The following PRMT3 variants were observed in gnomAD, a reference collection of about 807,000 sequenced individuals.
PRMT3 encodes the protein protein arginine N-methyltransferase 3.
A neutral mutation model predicts 71.9 loss-of-function variants in PRMT3; 62 were observed. The ratio of observed to expected loss-of-function variants is 0.86; its 90% CI spans 0.70 to 1.07. PRMT3 has a LOEUF of 1.07. Among genes scored for constraint, PRMT3 ranks in the 50% least tolerant of loss-of-function variants. The pLI, the probability that PRMT3 is intolerant of heterozygous loss-of-function variation, is 0.00. For synonymous variants in PRMT3, 213 were observed against 220.4 expected (o/e 0.97, Z 0.30); for missense variants, 663 against 643.0 (o/e 1.03, Z -0.34).
chr11:20,443,512 A>G (rs1354082016), intron 10 of PRMT3, among the ~76,000 whole-genome samples: 1 of 152,236 alleles, frequency 6.6e-6, no homozygotes, highest in Admixed American at 6.5e-5. Flanking sequence ...AATGTTATGC[A>G]CAATTATGAA....
intron 10 of PRMT3, among the ~76,000 whole-genome samples, chr11:20,429,672 C>T (rs1056488849): frequency 6.6e-6 from 1 of 152,178 alleles, no homozygotes; most frequent in Non-Finnish European, 1.5e-5. Context: ...GTTACTTAAG[C>T]ATTTGTATTA....
chr11:20,398,663 A>G (rs1490859970), intron 7 of PRMT3, among the ~76,000 whole-genome samples: 1 of 152,124 alleles, frequency 6.6e-6, no homozygotes, highest in Non-Finnish European at 1.5e-5. Context: ...CCGTAATGCC[A>G]TATTTTTACT....
At chr11:20,388,198 G>A (rs1391288861) in intron 2 of PRMT3, 44 bp downstream of exon 2, 2 of 1,609,864 alleles carry the variant, frequency 1.2e-6, no homozygotes, top group African/African-American at 1.3e-5. Flanking sequence ...GGGTGCCCGG[G>A]CGCGTGGGGT....
At chr11:20,443,975 G>A (rs1240912903) in intron 10 of PRMT3, among the ~76,000 whole-genome samples, 2 of 152,178 alleles carry the variant, frequency 1.3e-5, no homozygotes, top group Non-Finnish European at 2.9e-5. Context: ...TTGCAGAACA[G>A]TAGCACGCAT....
At chr11:20,460,724 C>T (rs2028646) in intron 11 of PRMT3, among the ~76,000 whole-genome samples, 6,895 of 152,180 alleles carry the variant, frequency 0.045, 266 homozygotes, top group East Asian at 0.19. Context: ...TGAATCTGCC[C>T]ATATTTATGT....
chr11:20,410,080 A>G (rs1332549528), intron 9 of PRMT3, among the ~76,000 whole-genome samples: 1 of 152,126 alleles, frequency 6.6e-6, no homozygotes, highest in Non-Finnish European at 1.5e-5. Context: ...ATGTAAAGGA[A>G]TTATAATACA....
At chr11:20,452,109 T>A (rs1001669) in intron 10 of PRMT3, 21 bp from the exon 11 acceptor site, 6 of 1,550,194 alleles carry the variant, frequency 3.9e-6, no homozygotes, top group African/African-American at 1.4e-5. Context: ...TAAACTCTTT[T>A]TTTCCCCTTT....
At chr11:20,453,477 C>G (rs905018425) in intron 11 of PRMT3, among the ~76,000 whole-genome samples, 7 of 148,400 alleles carry the variant, frequency 4.7e-5, no homozygotes, top group African/African-American at 9.9e-5. Context: ...GAGACTCCAT[C>G]TCAGAAAAAA....
chr11:20,426,430 A>T (rs1386507611), intron 9 of PRMT3, among the ~76,000 whole-genome samples: 1 of 152,196 alleles, frequency 6.6e-6, no homozygotes, highest in Non-Finnish European at 1.5e-5. Context: ...CCTTTAAACC[A>T]TACTTTTATA....
intron 8 of PRMT3, among the ~76,000 whole-genome samples, chr11:20,404,239 T>TTGTTTTGTTTTG (rs1565196897): frequency 8.4e-6 from 1 of 118,876 alleles, no homozygotes; most frequent in South Asian, 3.0e-4. Flanking sequence ...TTTTTTTTTT[T>TTGTTTTGTTTTG]TTTTTTTTTT....
At chr11:20,438,948 T>G (rs1290522615) in intron 10 of PRMT3, among the ~76,000 whole-genome samples, 3 of 152,144 alleles carry the variant, frequency 2.0e-5, no homozygotes, top group Non-Finnish European at 4.4e-5. Flanking sequence ...ACCTCTGCTT[T>G]GACCCTACGT....
chr11:20,487,120 A>G (rs1403984387), intron 13 of PRMT3, among the ~76,000 whole-genome samples: 1 of 152,196 alleles, frequency 6.6e-6, no homozygotes, highest in African/African-American at 2.4e-5. Flanking sequence ...ATAAGCAGAA[A>G]AGAAGAGAAA....
At chr11:20,427,424 T>C (rs1167366278) in intron 10 of PRMT3, among the ~76,000 whole-genome samples, 2 of 152,206 alleles carry the variant, frequency 1.3e-5, no homozygotes, top group African/African-American at 4.8e-5. Context: ...TTTAAATATA[T>C]GGAAATAAAA....
chr11:20,414,392 G>A (rs776011282), intron 9 of PRMT3, among the ~76,000 whole-genome samples: 4 of 152,108 alleles, frequency 2.6e-5, no homozygotes, highest in Non-Finnish European at 2.9e-5. Context: ...GAGATGTTAT[G>A]TTAGTAAGGG....
intron 11 of PRMT3, among the ~76,000 whole-genome samples, chr11:20,460,892 A>T (rs1195381960): frequency 2.0e-5 from 3 of 152,132 alleles, no homozygotes; most frequent in South Asian, 2.1e-4. Flanking sequence ...TCCCACAGCA[A>T]TATCCTAGTT....
intron 13 of PRMT3, among the ~76,000 whole-genome samples, chr11:20,482,574 A>G (rs558086833): frequency 3.3e-5 from 5 of 152,088 alleles, no homozygotes; most frequent in Non-Finnish European, 7.4e-5. Context: ...AATTAACATT[A>G]TTAGATTGTG....
intron 9 of PRMT3, among the ~76,000 whole-genome samples, chr11:20,418,398 T>C (rs190301275): frequency 1.3e-5 from 2 of 152,348 alleles, no homozygotes; most frequent in African/African-American, 4.8e-5. Context: ...GTGTCAGTGA[T>C]ATCTGTTTTA....
chr11:20,461,524 G>T (rs1458046894), intron 11 of PRMT3, among the ~76,000 whole-genome samples: 1 of 152,144 alleles, frequency 6.6e-6, no homozygotes, highest in Non-Finnish European at 1.5e-5. Context: ...TATTAAATGA[G>T]AGTAATATGA....
chr11:20,403,336 C>T lies in PRMT3; in HGVS notation c.771+352C>T, dbSNP rs534247975. Among the ~76,000 whole-genome samples the T allele has an allele frequency of 1.5e-3, 232 of 152,232 alleles. 1 individual carries two copies. Among genetic ancestry groups the T allele is most frequent in the African/African-American group, 5.4e-3 (223 of 41,528 alleles). ...GTATCAGATAAGCACCATGTCATAG[C>T]ATACTTTTAATTATTACTCTAGTTT... On this transcript the variant is annotated intron_variant, in intron 8 of 15. Transcript: ENST00000331079.
Sources: allele counts gnomAD v4.1 joint callset (sites outside exome capture counted in the v4.1 genomes callset), GRCh38; gene constraint gnomAD v4.1.1; transcripts MANE v1.5; gene names NCBI Gene and HGNC (gene_info 2026-07-23, HGNC 2026-07-21).